Variants in DGKH observed in about 807,000 individuals in gnomAD.
DGKH encodes the protein DAG kinase eta.
In DGKH, 90 loss-of-function variants were observed where a neutral mutation model predicts 159.3. The ratio of observed to expected loss-of-function variants is 0.57; its 90% CI spans 0.48 to 0.67. The LOEUF is 0.67. DGKH is among the 30% of genes least tolerant of loss of function. The pLI is 0.00. For synonymous variants in DGKH, 536 were observed against 553.8 expected, an observed-to-expected ratio of 0.97 and a Z score of 0.45; for missense variants, 1,181 against 1,506.1, an observed-to-expected ratio of 0.78 and a Z score of 3.57.
In DGKH at chr13:42,238,332, A is replaced by G. The variant is rs1958458057; in HGVS notation, c.*9144A>G. ...AAATTAGTAGCATTTGTACCAGAGT[A>G]GATTATGGGTATTTTCATCTGTTAT... On this transcript the variant is annotated 3_prime_UTR_variant, in exon 30 of 30. Transcript: ENST00000337343. The G allele has an allele frequency of 6.6e-6, 1 of 152,156 alleles. No individual in the cohort carries two copies. The highest frequency in any genetic ancestry group is 1.5e-5 in the Non-Finnish European group (1 of 68,018). 9.4% of individuals were successfully genotyped at this position (152,156 alleles called of 1,614,324 possible). A position where few individuals can be genotyped will look rare whatever the true frequency, so the allele number is the denominator to read the frequency against.
intron 1 of DGKH, among the ~76,000 whole-genome samples, chr13:42,062,374 C>A (rs574243949): frequency 3.0e-4 from 46 of 152,168 alleles, no homozygotes; most frequent in African/African-American, 8.9e-4. Flanking sequence ...TAAAATAGGG[C>A]TAGAGGACTA....
intron 30 of DGKH, among the ~76,000 whole-genome samples, chr13:42,253,800 G>A (rs1958637014): frequency 6.6e-6 from 1 of 152,146 alleles, no homozygotes. Flanking sequence ...AAGGAAAGGT[G>A]GTACAAATCT....
chr13:42,109,663 TGTGTGTGC>T (rs369912902), intron 1 of DGKH, among the ~76,000 whole-genome samples: 1,649 of 90,364 alleles, frequency 0.018, 15 homozygotes, highest in African/African-American at 0.056. Flanking sequence ...TGTGCGTGCG[TGTGTGTGC>T]GTGTGTGTGT....
intron 1 of DGKH, among the ~76,000 whole-genome samples, chr13:42,112,284 CTTTT>C (rs58307947): frequency 8.1e-6 from 1 of 122,828 alleles, no homozygotes; most frequent in Admixed American, 8.4e-5. Flanking sequence ...AGCCTTGTGG[CTTTT>C]TTTTTTTTTT....
At chr13:42,053,975 T>C (rs1458947887) in intron 1 of DGKH, among the ~76,000 whole-genome samples, 3 of 152,228 alleles carry the variant, frequency 2.0e-5, no homozygotes, top group African/African-American at 7.2e-5. Flanking sequence ...TCAATTGATA[T>C]CTTGGTTTTA....
chr13:42,085,388 G>A (rs1268172101), intron 1 of DGKH, among the ~76,000 whole-genome samples: 1 of 152,116 alleles, frequency 6.6e-6, no homozygotes, highest in East Asian at 1.9e-4. Context: ...AAATGCCATG[G>A]TTCCATGGAA....
At chr13:42,089,671 G>A (rs984304015) in intron 1 of DGKH, among the ~76,000 whole-genome samples, 11 of 152,124 alleles carry the variant, frequency 7.2e-5, no homozygotes, top group African/African-American at 2.7e-4. Context: ...GCCTTCTGCT[G>A]CCTTCTTCTA....
chr13:42,166,812 C>A (rs1956326631), intron 9 of DGKH, 138 bp downstream of exon 9: 1 of 712,584 alleles, frequency 1.4e-6, no homozygotes, highest in Admixed American at 4.2e-5. Flanking sequence ...TAAGTTTTAA[C>A]ACAACCTTTT....
chr13:42,159,083 C>T (rs117795078), intron 5 of DGKH, among the ~76,000 whole-genome samples, 183 bp from the exon 6 acceptor site: 1 of 152,070 alleles, frequency 6.6e-6, no homozygotes, highest in Non-Finnish European at 1.5e-5. Context: ...AAATACATAG[C>T]CGTATTTGTT....
chr13:42,228,644 AAAAG>A (rs765046474), intron 29 of DGKH, among the ~76,000 whole-genome samples: 2 of 134,182 alleles, frequency 1.5e-5, no homozygotes, highest in South Asian at 2.1e-4. Context: ...AAAAAGAAAG[AAAAG>A]AAAGAAAGAA....
intron 21 of DGKH, 28 bp from the exon 22 acceptor site, chr13:42,208,931 T>C: frequency 9.1e-6 from 14 of 1,540,388 alleles, no homozygotes; most frequent in African/African-American, 1.4e-5. Context: ...AAACATTCAG[T>C]AGAAGTGTAA....
Position 42,219,240 on chromosome 13 carries a change from C to T in DGKH, c.3224C>T (p.Ser1075Leu), listed in dbSNP as rs763505321. Residue 1075 changes from serine (S) to leucine (L), a missense_variant, in exon 27 of 30, where the codon TCG becomes TTG. Coordinates refer to ENST00000337343, the MANE Select transcript of DGKH (RefSeq NM_178009.5). ...TCTGCTGGTAAATAGCAGCTGGAAT[C>T]GCCACATGAAGAGCGAGTATCCAAT... is the stretch of plus-strand genomic sequence containing the variant. The part of the protein sequence containing the change: ...LVGRVPLQLE[S>L]PHEERVSNAL... The T allele has an allele frequency of 6.2e-6, 10 of 1,613,168 alleles. No individual in the cohort carries two copies. The highest frequency in any genetic ancestry group is 7.6e-6 in the Non-Finnish European group (9 of 1,179,712).
At chr13:42,075,442 C>T (rs910358727) in intron 1 of DGKH, among the ~76,000 whole-genome samples, 1 of 152,160 alleles carries the variant, frequency 6.6e-6, no homozygotes, top group Non-Finnish European at 1.5e-5. Context: ...TAAAAGTGCA[C>T]TAAGGACTTG....
intron 29 of DGKH, among the ~76,000 whole-genome samples, chr13:42,250,402 C>A (rs1265456546): frequency 6.6e-6 from 1 of 152,134 alleles, no homozygotes; most frequent in Non-Finnish European, 1.5e-5. Flanking sequence ...ATGTCCATCA[C>A]CTCGAACCTT....
chr13:42,070,731 C>G (rs1179351503), intron 1 of DGKH: 2 of 1,607,074 alleles, frequency 1.2e-6, no homozygotes, highest in Non-Finnish European at 1.7e-6. Flanking sequence ...GTAAAGGGCC[C>G]TGCTCCAGCA....
intron 7 of DGKH, among the ~76,000 whole-genome samples, chr13:42,161,124 C>G (rs562066865): frequency 5.3e-5 from 8 of 152,268 alleles, no homozygotes; most frequent in Admixed American, 2.6e-4. Context: ...ACAGGTGTCT[C>G]TCTTTACAAT....
At chr13:42,136,324 A>T (rs1269084810) in intron 3 of DGKH, among the ~76,000 whole-genome samples, 3 of 152,214 alleles carry the variant, frequency 2.0e-5, no homozygotes, top group Admixed American at 6.5e-5. Context: ...GCAAAGATTT[A>T]TTTCCACTTT....
At position 42,061,988 on chromosome 13, in the gene DGKH, G is replaced by GT. The variant is rs1555256128; in HGVS notation, c.192+13023_192+13024insT. ...GAGAAAGATGGAGAGTGTGTGTGTG[G>GT]GTGTGTGTGTGTGTGTGTGTGTAAA... is the stretch of plus-strand genomic sequence containing the variant. On this transcript the variant is annotated intron_variant, in intron 1 of 29. Transcript: ENST00000337343. Among the ~76,000 whole-genome samples the GT allele has an allele frequency of 4.0e-5, 6 of 149,786 alleles. No individual in the cohort carries two copies. The East Asian group carries it at 1.2e-3, about 30-fold the overall frequency.
intron 20 of DGKH, among the ~76,000 whole-genome samples, chr13:42,203,536 C>T (rs1313970574): frequency 6.6e-6 from 1 of 152,186 alleles, no homozygotes; most frequent in Non-Finnish European, 1.5e-5. Context: ...TGACAGAATT[C>T]AATCCAGCTC....
Sources: gnomAD v4.1 joint callset for allele counts (sites outside exome capture counted in the v4.1 genomes callset) on GRCh38, gnomAD v4.1.1 for gene constraint, MANE v1.5 for transcripts, NCBI Gene and HGNC (gene_info 2026-07-23, HGNC 2026-07-21) for gene names.